CSMD1: variants seen among roughly 807,000 people sequenced by gnomAD.
CSMD1 encodes the protein CUB and sushi domain-containing protein 1.
In CSMD1, 213 loss-of-function variants were observed where a neutral mutation model predicts 417.5. That is an observed-to-expected ratio of 0.51 (90% CI 0.46 to 0.57). The LOEUF is 0.57. Ranked by LOEUF, CSMD1 falls within the 20% of genes least tolerant of loss-of-function variation. The pLI is 0.00. For missense variants in CSMD1, 6,923 were observed against 4,529.7 expected (o/e 1.53, Z -15.17); for synonymous variants, 2,862 against 1,736.8 (o/e 1.65, Z -16.11).
At chr8:4,035,310 G>A (rs1797559658) in intron 3 of CSMD1, among the ~76,000 whole-genome samples, 1 of 152,160 alleles carries the variant, frequency 6.6e-6, no homozygotes, top group African/African-American at 2.4e-5. Flanking sequence ...TATGCTTGAT[G>A]ATAATAGTGA....
chr8:3,422,205 A>G (rs1026159606), intron 12 of CSMD1, among the ~76,000 whole-genome samples: 4 of 152,124 alleles, frequency 2.6e-5, no homozygotes, highest in East Asian at 1.9e-4. Context: ...GCCTCTCACC[A>G]TGAAGGGGCT....
At chr8:3,049,038 C>T (rs1811644497) in intron 50 of CSMD1, among the ~76,000 whole-genome samples, 1 of 152,210 alleles carries the variant, frequency 6.6e-6, no homozygotes, top group Non-Finnish European at 1.5e-5. Context: ...TAAGATACTA[C>T]TGCACATCTA....
intron 1 of CSMD1, among the ~76,000 whole-genome samples, chr8:4,855,098 C>T (rs1801713910): frequency 6.6e-6 from 1 of 152,068 alleles, no homozygotes; most frequent in African/African-American, 2.4e-5. Flanking sequence ...TCAAGTGGGT[C>T]CCTGACCCCT....
intron 3 of CSMD1, among the ~76,000 whole-genome samples, chr8:4,247,222 G>A (rs1040002559): frequency 6.6e-6 from 1 of 152,134 alleles, no homozygotes; most frequent in Admixed American, 6.6e-5. Context: ...TCCTGGAACA[G>A]CGAGAAAGGG....
chr8:3,730,001 G>C (rs1358366471), intron 6 of CSMD1, among the ~76,000 whole-genome samples: 1 of 134,090 alleles, frequency 7.5e-6, no homozygotes, highest in East Asian at 2.2e-4. Context: ...GTTTCAAAAA[G>C]TTCAGAGGAG....
chr8:4,277,686 G>C (rs150211463), intron 3 of CSMD1, among the ~76,000 whole-genome samples: 36 of 152,090 alleles, frequency 2.4e-4, no homozygotes, highest in Admixed American at 7.9e-4. Flanking sequence ...ACAAGCGACA[G>C]AATTTAAGAA....
chr8:3,742,669 A>G (rs368598001), intron 6 of CSMD1, among the ~76,000 whole-genome samples: 64 of 152,048 alleles, frequency 4.2e-4, no homozygotes, highest in Middle Eastern at 6.8e-3. Flanking sequence ...ATACACCTAC[A>G]CTCAGAGTCA....
chr8:3,938,648 C>G (rs1402297483), intron 5 of CSMD1, among the ~76,000 whole-genome samples: 1 of 152,146 alleles, frequency 6.6e-6, no homozygotes, highest in Non-Finnish European at 1.5e-5. Context: ...CACTGCAAGT[C>G]TCTTTGAAGT....
intron 7 of CSMD1, among the ~76,000 whole-genome samples, chr8:3,695,181 C>T (rs752398103): frequency 1.1e-4 from 16 of 151,154 alleles, no homozygotes; most frequent in Non-Finnish European, 1.9e-4. Flanking sequence ...CCAAGGACCT[C>T]GAAGACACTG....
chr8:2,941,290 T>C (rs1476904453), intron 69 of CSMD1, among the ~76,000 whole-genome samples: 4 of 152,192 alleles, frequency 2.6e-5, no homozygotes, highest in African/African-American at 9.6e-5. Flanking sequence ...CAAAAGTGAA[T>C]ATAAGAAAGC....
intron 40 of CSMD1, among the ~76,000 whole-genome samples, chr8:3,150,410 C>T (rs781668157): frequency 5.3e-5 from 8 of 152,158 alleles, no homozygotes; most frequent in African/African-American, 1.2e-4. Flanking sequence ...ATTGACCTGT[C>T]GGGCCGTCAT....
At chr8:3,072,417 TA>T (rs1813383722) in intron 49 of CSMD1, among the ~76,000 whole-genome samples, 1 of 152,218 alleles carries the variant, frequency 6.6e-6, no homozygotes, top group Non-Finnish European at 1.5e-5. Context: ...AGAATTTTTT[TA>T]AACCAGTCAT....
chr8:4,433,836 A>C (rs1050400367), intron 2 of CSMD1, among the ~76,000 whole-genome samples: 2 of 148,392 alleles, frequency 1.3e-5, no homozygotes, highest in African/African-American at 2.4e-5. Context: ...CTGGAAAAAA[A>C]GGGAAAAAAG....
At chr8:4,227,662 C>T (rs1288260116) in intron 3 of CSMD1, among the ~76,000 whole-genome samples, 2 of 152,186 alleles carry the variant, frequency 1.3e-5, no homozygotes, top group South Asian at 2.1e-4. Flanking sequence ...AGTGATCCTC[C>T]TGGCAGACAC....
chr8:3,011,533 C>A (rs934174033), intron 52 of CSMD1, among the ~76,000 whole-genome samples: 2 of 152,106 alleles, frequency 1.3e-5, no homozygotes, highest in Admixed American at 1.3e-4. Context: ...GCTATTTTAG[C>A]CACATAAATA....
chr8:4,707,769 C>G (rs1808035182), intron 1 of CSMD1, among the ~76,000 whole-genome samples: 1 of 151,784 alleles, frequency 6.6e-6, no homozygotes, highest in Admixed American at 6.6e-5. Context: ...CGCCTGTAAT[C>G]CCAGCTACTC....
At chr8:3,870,058 G>C (rs1035005356) in intron 5 of CSMD1, among the ~76,000 whole-genome samples, 1 of 152,102 alleles carries the variant, frequency 6.6e-6, no homozygotes, top group Non-Finnish European at 1.5e-5. Flanking sequence ...TTAACTGTAA[G>C]CATACCCTCT....
intron 5 of CSMD1, among the ~76,000 whole-genome samples, chr8:3,867,553 C>T (rs562427693): frequency 6.0e-4 from 92 of 152,136 alleles, no homozygotes; most frequent in African/African-American, 1.2e-3. Flanking sequence ...TAGTGAGAGA[C>T]GTCTAATCCT....
chr8:3,171,522 A>G (rs908130317), intron 37 of CSMD1, among the ~76,000 whole-genome samples: 1 of 152,186 alleles, frequency 6.6e-6, no homozygotes, highest in African/African-American at 2.4e-5. Flanking sequence ...TCACAGAGCC[A>G]CTAGTCATTA....
Sources: gnomAD v4.1 joint callset for allele counts (sites outside exome capture counted in the v4.1 genomes callset) on GRCh38, gnomAD v4.1.1 for gene constraint, MANE v1.5 for transcripts, NCBI Gene and HGNC (gene_info 2026-07-23, HGNC 2026-07-21) for gene names.